Variants in TPH2 observed in about 807,000 individuals in gnomAD.
The protein encoded by TPH2 is tryptophan hydroxylase 2.
Under a neutral mutation model 59.1 loss-of-function variants are expected in TPH2, and 27 were observed. The ratio of observed to expected loss-of-function variants is 0.46; its 90% CI spans 0.34 to 0.63. The LOEUF (loss-of-function observed/expected upper bound fraction) is 0.63, where lower values mean the gene tolerates loss of function less well. Among genes scored for constraint, TPH2 ranks in the 30% least tolerant of loss-of-function variants. The pLI, the probability that TPH2 is intolerant of heterozygous loss-of-function variation, is 0.01. For missense variants in TPH2, 523 were observed against 588.3 expected (o/e 0.89, Z 1.15); for synonymous variants, 220 against 210.5 (o/e 1.05, Z -0.39).
Position 71,946,051 on chromosome 12 carries a change from C to T in TPH2, c.540+1365C>T, listed in dbSNP as rs139640490. On this transcript the variant is annotated intron_variant, in intron 4 of 10. Coordinates refer to ENST00000333850, the MANE Select transcript of TPH2 (RefSeq NM_173353.4). ...ACGGGAACCTGACGTAGGAGCTAAG[C>T]AGTACCCGGGCTGCACAGACACCAG... Among the ~76,000 whole-genome samples the T allele has an allele frequency of 8.6e-4, 131 of 152,224 alleles. 4 individuals are homozygous for T. The East Asian group carries it at 0.014, about 16-fold the overall frequency.
chr12:71,978,715 T>A (rs1872189253), intron 6 of TPH2, among the ~76,000 whole-genome samples: 1 of 152,184 alleles, frequency 6.6e-6, no homozygotes, highest in Non-Finnish European at 1.5e-5. Context: ...TTTTCACCCT[T>A]CTTTTCATTT....
intron 7 of TPH2, among the ~76,000 whole-genome samples, chr12:71,990,633 C>T (rs1872560061): frequency 6.6e-6 from 1 of 152,192 alleles, no homozygotes; most frequent in Non-Finnish European, 1.5e-5. Context: ...GTACCTGAGC[C>T]AAACACAGTG....
chr12:71,961,882 C>T lies in TPH2; in HGVS notation c.609-10637C>T, dbSNP rs576406778. 1.2e-5 allele frequency: 13 copies of T among 1,109,794 alleles called. No homozygotes were observed. The Admixed American group carries it at 1.3e-4, about 11-fold the overall frequency. The allele number at this position is 1,109,794 out of a possible 1,614,324, so 68.7% of individuals were successfully genotyped here. Reference sequence around the variant, plus strand: ...TAGGTGCAGTAGTTTATTTTCATTACGTCTCTTGTAAAGGCAGCACCAATA... The same window carrying T: ...TAGGTGCAGTAGTTTATTTTCATTATGTCTCTTGTAAAGGCAGCACCAATA... On this transcript the variant is annotated intron_variant, in intron 5 of 10. Coordinates refer to ENST00000333850, the MANE Select transcript of TPH2 (RefSeq NM_173353.4).
intron 8 of TPH2, among the ~76,000 whole-genome samples, chr12:72,002,432 G>T (rs1872848803): frequency 1.3e-5 from 2 of 152,100 alleles, no homozygotes; most frequent in South Asian, 2.1e-4. Context: ...TTAGAAATTG[G>T]TTTTTTATCT....
intron 8 of TPH2, among the ~76,000 whole-genome samples, chr12:72,015,256 A>AG (rs1873210049): frequency 6.6e-6 from 1 of 151,342 alleles, no homozygotes; most frequent in Non-Finnish European, 1.5e-5. Flanking sequence ...GTTAGTAAAA[A>AG]CACTGTGAAA....
intron 5 of TPH2, chr12:71,961,681 T>C: frequency 7.4e-7 from 1 of 1,350,980 alleles, no homozygotes; most frequent in Non-Finnish European, 9.8e-7. Context: ...TCCATTGTTG[T>C]TGCTGTTGAT....
At chr12:72,020,878 C>A (rs923610510) in intron 8 of TPH2, among the ~76,000 whole-genome samples, 13 of 152,082 alleles carry the variant, frequency 8.5e-5, no homozygotes, top group African/African-American at 2.4e-5. Flanking sequence ...AATGATCAGT[C>A]CTTTGGGTCC....
chr12:71,989,240 A>T (rs1216973073), intron 7 of TPH2, among the ~76,000 whole-genome samples: 2 of 152,134 alleles, frequency 1.3e-5, no homozygotes, highest in Non-Finnish European at 2.9e-5. Flanking sequence ...AACTAAAGAA[A>T]CTCTGTATAT....
rs973206274 is a variant in TPH2 at position 72,032,421 on chromosome 12, A to G, written c.*726A>G. ...TTGGGACTATGAATTTTATGCTGGAATAAAGTAAATTATCATGTTCAGGTG... is the reference window on the plus strand; with the variant it reads ...TTGGGACTATGAATTTTATGCTGGAGTAAAGTAAATTATCATGTTCAGGTG... On this transcript the variant is annotated 3_prime_UTR_variant, in exon 11 of 11. Transcript: ENST00000333850. The G allele has an allele frequency of 1.3e-5, 2 of 152,352 alleles. No homozygotes were observed. The highest frequency in any genetic ancestry group is 4.8e-5 in the African/African-American group (2 of 41,428). 9.4% of individuals were successfully genotyped at this position (152,352 alleles called of 1,614,324 possible). A position where few individuals can be genotyped will look rare whatever the true frequency, so the allele number is the denominator to read the frequency against.
At chr12:71,987,517 T>C (rs1872467468) in intron 7 of TPH2, among the ~76,000 whole-genome samples, 1 of 152,180 alleles carries the variant, frequency 6.6e-6, no homozygotes, top group South Asian at 2.1e-4. Flanking sequence ...TTACGGGAAC[T>C]AAGATTTTCA....
chr12:71,942,807 C>T (rs1871109028), intron 2 of TPH2, among the ~76,000 whole-genome samples: 1 of 152,108 alleles, frequency 6.6e-6, no homozygotes, highest in African/African-American at 2.4e-5. Flanking sequence ...GGATCAGGCA[C>T]CATAAACAGT....
chr12:71,938,904 C>T lies in TPH2; in HGVS notation c.-83C>T. 2.5e-6 allele frequency: 3 copies of T among 1,193,126 alleles called. No individual in the cohort carries two copies. Among genetic ancestry groups the T allele is most frequent in the African/African-American group, 1.5e-5 (1 of 66,826 alleles). 73.9% of individuals were successfully genotyped at this position (1,193,126 alleles called of 1,614,324 possible). A position where few individuals can be genotyped will look rare whatever the true frequency, so the allele number is the denominator to read the frequency against. On this transcript the variant is annotated 5_prime_UTR_variant, in exon 1 of 11. Transcript: ENST00000333850. ...CCCCAAGCAGGCAGCTGATCGCACG[C>T]CCCTTCCTCTCAATCTCCGCCAGCG... is the stretch of plus-strand genomic sequence containing the variant.
rs1871159732 is a variant in TPH2, at chr12:71,944,815, A to G, written c.540+129A>G. ...TTATTATTTATTCCCCATAACTGAG[A>G]GCAGACTTCCAAATGATAAAGCTTC... is the stretch of plus-strand genomic sequence containing the variant. On this transcript the variant is annotated intron_variant, in intron 4 of 10. Transcript: ENST00000333850. The G allele has an allele frequency of 1.5e-5, 14 of 904,260 alleles. No individual in the cohort carries two copies. In the Admixed American group the frequency reaches 1.8e-4, roughly 11 times the overall value. 56.0% of individuals were successfully genotyped at this position (904,260 alleles called of 1,614,324 possible).
chr12:72,022,495 G>T lies in TPH2; in HGVS notation c.1164+1G>T, dbSNP rs756893935. ...CCTTTCCTCCATTGGAGAATTAAAGGTATGAAGCTGTGAATGAAAATACCC... is the reference window on the plus strand; with the variant it reads ...CCTTTCCTCCATTGGAGAATTAAAGTTATGAAGCTGTGAATGAAAATACCC... On this transcript the variant is annotated splice_donor_variant, in intron 9 of 10. Coordinates refer to ENST00000333850, the MANE Select transcript of TPH2 (RefSeq NM_173353.4). LOFTEE classifies it high-confidence loss of function. 1 of 1,606,406 alleles carries T rather than the reference G, an allele frequency of 6.2e-7. No homozygotes were observed.
At chr12:71,964,779 AT>A (rs572013740) in intron 5 of TPH2, 780 of 939,276 alleles carry the variant, frequency 8.3e-4, no homozygotes, top group South Asian at 1.1e-3. Context: ...GTGATGATGA[AT>A]TTTTTTTTTA....
chr12:72,023,327 T>C (rs2139246044), intron 9 of TPH2, among the ~76,000 whole-genome samples: 1 of 152,328 alleles, frequency 6.6e-6, no homozygotes, highest in Non-Finnish European at 1.5e-5. Context: ...TATCCTTATG[T>C]AATATAAATG....
rs1245116621 is a variant in TPH2 at position 72,031,715 on chromosome 12, G to A, written c.*20G>A. The A allele has an allele frequency of 1.2e-6, 2 of 1,612,874 alleles. No individual in the cohort carries two copies. Among genetic ancestry groups the A allele is most frequent in the Non-Finnish European group, 1.7e-6 (2 of 1,179,144 alleles). ...ATTTGATGCCTGGAACTATGTTGTTGCCAGCATGATCTTTTTGGGGCTTAG... is the reference window on the plus strand; with the variant it reads ...ATTTGATGCCTGGAACTATGTTGTTACCAGCATGATCTTTTTGGGGCTTAG... On this transcript the variant is annotated 3_prime_UTR_variant, in exon 11 of 11. Transcript: ENST00000333850.
chr12:71,954,468 A>G (rs1426898949), intron 5 of TPH2, among the ~76,000 whole-genome samples: 1 of 152,182 alleles, frequency 6.6e-6, no homozygotes, highest in Non-Finnish European at 1.5e-5. Context: ...CCCCGCCCAA[A>G]TAAAATAAAT....
chr12:71,955,093 A>G (rs1479662563), intron 5 of TPH2, among the ~76,000 whole-genome samples: 1 of 152,208 alleles, frequency 6.6e-6, no homozygotes, highest in Admixed American at 6.5e-5. Flanking sequence ...TAAATAGGCA[A>G]CTACAACTGT....
Sources: allele counts gnomAD v4.1 joint callset (sites outside exome capture counted in the v4.1 genomes callset), GRCh38; gene constraint gnomAD v4.1.1; transcripts MANE v1.5; gene names NCBI Gene and HGNC (gene_info 2026-07-23, HGNC 2026-07-21).